Variants in USH2A observed in about 807,000 individuals in gnomAD.
The protein encoded by USH2A is Usher syndrome 2A (autosomal recessive, mild).
Under a neutral mutation model 538.9 loss-of-function variants are expected in USH2A, and 443 were observed. That is an observed-to-expected ratio of 0.82 (90% confidence interval 0.76 to 0.89). The LOEUF is 0.89. Among genes scored for constraint, USH2A ranks in the 40% least tolerant of loss-of-function variants. USH2A has a pLI of 0.00. For missense variants in USH2A, 6,633 were observed against 6,324.8 expected (o/e 1.05, Z -1.65); for synonymous variants, 2,413 against 2,273.5 (o/e 1.06, Z -1.75).
At chr1:215,978,502 A>G (rs532553689) in intron 35 of USH2A, among the ~76,000 whole-genome samples, 56 of 152,312 alleles carry the variant, frequency 3.7e-4, no homozygotes, top group Admixed American at 3.6e-3. Context: ...TTGAAAGTCA[A>G]TCAAGTGCAA....
intron 3 of USH2A, among the ~76,000 whole-genome samples, chr1:216,394,563 A>G (rs2039171644): frequency 6.6e-6 from 1 of 152,192 alleles, no homozygotes; most frequent in Non-Finnish European, 1.5e-5. Flanking sequence ...GACAAAAAGC[A>G]TTATACAATA....
At chr1:216,166,772 G>A (rs576081860) in intron 21 of USH2A, among the ~76,000 whole-genome samples, 1 of 152,070 alleles carries the variant, frequency 6.6e-6, no homozygotes, top group Admixed American at 6.6e-5. Flanking sequence ...AAAAAATGAA[G>A]GGAAGAAGCT....
At chr1:215,629,808 C>G (rs1204003502) in intron 70 of USH2A, among the ~76,000 whole-genome samples, 1 of 114,670 alleles carries the variant, frequency 8.7e-6, no homozygotes, top group African/African-American at 3.8e-5. Context: ...CAGAGTTTTG[C>G]TCTTTCGCCC....
At chr1:215,990,933 T>A (rs185794827) in intron 35 of USH2A, among the ~76,000 whole-genome samples, 1 of 152,084 alleles carries the variant, frequency 6.6e-6, no homozygotes, top group African/African-American at 2.4e-5. Flanking sequence ...GGCTAATTTT[T>A]TGTATTTTTA....
At chr1:216,369,920 CAAAA>C (rs71161416) in intron 3 of USH2A, among the ~76,000 whole-genome samples, 3 of 127,398 alleles carry the variant, frequency 2.4e-5, no homozygotes, top group East Asian at 2.2e-4. Flanking sequence ...GAGACTCTGC[CAAAA>C]AAAAAAAAAA....
chr1:216,252,479 T>A lies in USH2A; in HGVS notation c.1972-1381A>T, dbSNP rs191359958. Reference sequence around the variant, plus strand: ...TAAAAATATCTAGGTTGGGATTCAGTTACAAGATATAGTGAAGGACTTAGA... The same window carrying A: ...TAAAAATATCTAGGTTGGGATTCAGATACAAGATATAGTGAAGGACTTAGA... On this transcript the variant is annotated intron_variant, in intron 11 of 71. Coordinates refer to ENST00000307340, the MANE Select transcript of USH2A (RefSeq NM_206933.4). Among the ~76,000 whole-genome samples the A allele has an allele frequency of 3.5e-3, 538 of 152,314 alleles. 3 individuals are homozygous for A. The highest frequency in any genetic ancestry group is 0.012 in the African/African-American group (500 of 41,576).
At chr1:215,918,991 T>C (rs534260017) in intron 38 of USH2A, among the ~76,000 whole-genome samples, 12 of 152,202 alleles carry the variant, frequency 7.9e-5, no homozygotes, top group African/African-American at 2.6e-4. Context: ...GTATTCATAT[T>C]AATAACGCTT....
chr1:215,931,305 T>A (rs1016045999), intron 38 of USH2A, among the ~76,000 whole-genome samples: 1 of 152,008 alleles, frequency 6.6e-6, no homozygotes, highest in Non-Finnish European at 1.5e-5. Context: ...ATAAGATGTG[T>A]CCTGACTACA....
chr1:215,762,678 TC>T (rs1661012773), intron 56 of USH2A, among the ~76,000 whole-genome samples: 1 of 152,060 alleles, frequency 6.6e-6, no homozygotes. Context: ...TATTAATGAG[TC>T]CGAGGTGGGG....
At chr1:215,955,167 G>A (rs1667031131) in intron 37 of USH2A, among the ~76,000 whole-genome samples, 1 of 152,002 alleles carries the variant, frequency 6.6e-6, no homozygotes, top group Non-Finnish European at 1.5e-5. Flanking sequence ...AGCTCCCCTT[G>A]TTAAACCACA....
chr1:215,700,668 A>T (rs1658982010), intron 61 of USH2A, among the ~76,000 whole-genome samples: 1 of 151,874 alleles, frequency 6.6e-6, no homozygotes. Flanking sequence ...CTTTGTCATT[A>T]TTCACTGTGT....
chr1:215,933,443 T>C (rs1666412354), intron 38 of USH2A, among the ~76,000 whole-genome samples: 1 of 152,048 alleles, frequency 6.6e-6, no homozygotes, highest in Non-Finnish European at 1.5e-5. Flanking sequence ...CAAAAGTTTC[T>C]TTTATGCATT....
At chr1:215,741,037 T>C (rs545926949) in intron 60 of USH2A, among the ~76,000 whole-genome samples, 115 of 152,114 alleles carry the variant, frequency 7.6e-4, no homozygotes, top group African/African-American at 2.7e-3. Flanking sequence ...GGCCTGGGGG[T>C]TAGGAACCCC....
chr1:216,274,105 AC>A (rs1208126846), intron 11 of USH2A, among the ~76,000 whole-genome samples: 1 of 152,034 alleles, frequency 6.6e-6, no homozygotes, highest in African/African-American at 2.4e-5. Flanking sequence ...AATACTTGCT[AC>A]CTACTCTGCC....
At chr1:215,972,224 T>C (rs1667511378) in intron 35 of USH2A, among the ~76,000 whole-genome samples, 1 of 152,106 alleles carries the variant, frequency 6.6e-6, no homozygotes, top group Admixed American at 6.6e-5. Flanking sequence ...ACGTCCAGTT[T>C]CTAGCTCCAA....
chr1:215,928,723 A>G (rs1666295607), intron 38 of USH2A, among the ~76,000 whole-genome samples: 2 of 152,150 alleles, frequency 1.3e-5, no homozygotes, highest in Non-Finnish European at 1.5e-5. Context: ...TCCTTAAGCC[A>G]GGAGAACCAT....
At chr1:215,869,562 G>A (rs1272701191) in intron 43 of USH2A, among the ~76,000 whole-genome samples, 1 of 152,064 alleles carries the variant, frequency 6.6e-6, no homozygotes, top group Non-Finnish European at 1.5e-5. Flanking sequence ...GGCTCACAAG[G>A]GAATTGAACC....
intron 30 of USH2A, among the ~76,000 whole-genome samples, chr1:216,066,669 T>C (rs1285458965): frequency 6.6e-6 from 1 of 152,216 alleles, no homozygotes; most frequent in African/African-American, 2.4e-5. Context: ...CATGTAGTTG[T>C]ATCTCATTCT....
Position 215,647,544 on chromosome 1 carries a change from G to A in USH2A, c.14769C>T (p.Ile4923=). The part of the protein sequence containing the change: ...NEVGSTASEW[I]SFTTQKELPQ... ...CACATTCTTTTTGGGTGGTGAAACT[G>A]ATCCACTCGGAAGCCGTACTGCCCA... Residue 4923 remains isoleucine (I), a synonymous_variant, in exon 67 of 72, where the codon ATC becomes ATT. Coordinates refer to ENST00000307340, the MANE Select transcript of USH2A (RefSeq NM_206933.4). 1 of 1,614,042 alleles carries A rather than the reference G, an allele frequency of 6.2e-7. No homozygotes were observed. The highest frequency in any genetic ancestry group is 8.5e-7 in the Non-Finnish European group (1 of 1,179,996).
Sources: allele counts gnomAD v4.1 joint callset (sites outside exome capture counted in the v4.1 genomes callset), GRCh38; gene constraint gnomAD v4.1.1; transcripts MANE v1.5; gene names NCBI Gene and HGNC (gene_info 2026-07-23, HGNC 2026-07-21).